The following TIAM2 variants were observed in gnomAD, a reference collection of about 807,000 sequenced individuals.
TIAM2 encodes the protein TIAM Rac1 associated GEF 2.
Under a neutral mutation model 152.9 loss-of-function variants are expected in TIAM2, and 80 were observed. That is an observed-to-expected ratio of 0.52 (90% CI 0.44 to 0.63). The LOEUF (loss-of-function observed/expected upper bound fraction) is 0.63. Among genes scored for constraint, TIAM2 ranks in the 30% least tolerant of loss-of-function variants. The pLI, the probability that TIAM2 is intolerant of heterozygous loss-of-function variation, is 0.00. For synonymous variants in TIAM2, 804 were observed against 838.0 expected, an observed-to-expected ratio of 0.96 and a Z score of 0.70; for missense variants, 1,965 against 2,120.1, an observed-to-expected ratio of 0.93 and a Z score of 1.44.
At chr6:155,013,279 C>T (rs1294102830) in intron 1 of TIAM2, among the ~76,000 whole-genome samples, 1 of 152,258 alleles carries the variant, frequency 6.6e-6, no homozygotes, top group Admixed American at 6.5e-5. Flanking sequence ...CAGAAAATCT[C>T]TGTCTGCTTA....
chr6:155,160,845 T>C (rs1018188636), intron 7 of TIAM2, among the ~76,000 whole-genome samples: 11 of 152,184 alleles, frequency 7.2e-5, no homozygotes, highest in African/African-American at 1.9e-4. Context: ...ATTGTTGAAA[T>C]AGAGAAGTCA....
At chr6:155,152,353 C>A (rs1223616305) in intron 7 of TIAM2, among the ~76,000 whole-genome samples, 1 of 152,210 alleles carries the variant, frequency 6.6e-6, no homozygotes, top group African/African-American at 2.4e-5. Flanking sequence ...ACGAGCCCAG[C>A]TTGCCTCCTC....
At chr6:155,052,281 T>C (rs1046549951) in intron 1 of TIAM2, among the ~76,000 whole-genome samples, 1 of 152,210 alleles carries the variant, frequency 6.6e-6, no homozygotes, top group East Asian at 1.9e-4. Flanking sequence ...GTGATTTTAC[T>C]TTTACTTGTA....
At chr6:155,198,666 C>CAAAAAAAAAAAAAAAAAAA (rs10626644) in intron 14 of TIAM2, among the ~76,000 whole-genome samples, 3 of 70,318 alleles carry the variant, frequency 4.3e-5, no homozygotes, top group Non-Finnish European at 7.4e-5. Flanking sequence ...GAGCAAATCT[C>CAAAAAAAAAAAAAAAAAAA]AAAAAAAAAA....
chr6:155,080,440 C>T (rs1488274350), intron 1 of TIAM2, among the ~76,000 whole-genome samples: 2 of 151,334 alleles, frequency 1.3e-5, no homozygotes, highest in East Asian at 3.9e-4. Flanking sequence ...AACATGGCAT[C>T]CTTTTTTTTT....
At chr6:155,164,652 G>A (rs755900712) in intron 8 of TIAM2, 52 bp downstream of exon 8, 120 of 1,554,782 alleles carry the variant, frequency 7.7e-5, no homozygotes, top group Non-Finnish European at 9.7e-5. Flanking sequence ...GGCTGCGGAT[G>A]CTCCCCCTTT....
rs1351049268 is a variant in TIAM2, at chr6:155,165,296, A to G, written c.2248A>G (p.Arg750Gly). The G allele has an allele frequency of 1.2e-6, 2 of 1,614,050 alleles. No individual in the cohort carries two copies. The highest frequency in any genetic ancestry group is 1.1e-5 in the South Asian group (1 of 91,058). ...CSRDDSALRK[R>G]TLSLTQRGRN... ...TAGAGATGACTCTGCTCTCCGGAAA[A>G]GGACACTGTCACTGACCCAGCGAGG... The change falls in exon 9 of 27, where the codon AGG becomes GGG. Residue 750 changes from arginine (R) to glycine (G), a missense_variant. Coordinates refer to ENST00000682666, the MANE Select transcript of TIAM2 (RefSeq NM_012454.4).
chr6:155,191,778 G>A (rs1781210912), intron 14 of TIAM2, among the ~76,000 whole-genome samples: 2 of 151,660 alleles, frequency 1.3e-5, no homozygotes, highest in Non-Finnish European at 2.9e-5. Context: ...CTGGATGACA[G>A]AGTGAGACTC....
At chr6:155,106,432 G>A (rs1264038030) in intron 2 of TIAM2, among the ~76,000 whole-genome samples, 2 of 152,112 alleles carry the variant, frequency 1.3e-5, no homozygotes, top group Non-Finnish European at 2.9e-5. Flanking sequence ...TAATAAAAAA[G>A]CACCACGTTG....
At chr6:155,058,264 C>G (rs940370044) in intron 1 of TIAM2, among the ~76,000 whole-genome samples, 5 of 152,114 alleles carry the variant, frequency 3.3e-5, no homozygotes, top group African/African-American at 1.2e-4. Flanking sequence ...GTTCTTCTAA[C>G]TAGATGTGTG....
intron 15 of TIAM2, among the ~76,000 whole-genome samples, chr6:155,221,943 C>CTTAT (rs149311355): frequency 6.6e-6 from 1 of 151,734 alleles, no homozygotes; most frequent in Admixed American, 6.6e-5. Context: ...TATTCTTCTT[C>CTTAT]TTATTTATTT....
intron 14 of TIAM2, among the ~76,000 whole-genome samples, chr6:155,189,349 CT>C (rs369463138): frequency 1.7e-3 from 249 of 144,490 alleles, no homozygotes; most frequent in Non-Finnish European, 1.6e-3. Flanking sequence ...ATGAGTGGTA[CT>C]TTTTTTTTTT....
chr6:155,003,680 C>T (rs1262344747), intron 1 of TIAM2, among the ~76,000 whole-genome samples: 1 of 152,138 alleles, frequency 6.6e-6, no homozygotes, highest in African/African-American at 2.4e-5. Flanking sequence ...ATGCACACTG[C>T]CTTATCTCTC....
intron 2 of TIAM2, among the ~76,000 whole-genome samples, chr6:155,110,313 C>A (rs564220395): frequency 2.2e-5 from 2 of 90,354 alleles, no homozygotes; most frequent in East Asian, 5.0e-4. Context: ...TTTCCTCTTT[C>A]TTTTCTTTTT....
chr6:155,128,479 A>G lies in TIAM2; in HGVS notation c.-6-739A>G, dbSNP rs200565385. On this transcript the variant is annotated intron_variant, in intron 3 of 26. Transcript: ENST00000682666. ...TTTTAGCTCTACCAGTAGTTTATGT[A>G]TAATGAAAATGTATCTCTCTGATCA... Among the ~76,000 whole-genome samples, 5 of 152,166 alleles carry G rather than the reference A, an allele frequency of 3.3e-5. No homozygotes were observed. The East Asian group carries it at 9.6e-4, about 29-fold the overall frequency.
At chr6:155,017,754 C>T (rs1334113808) in intron 1 of TIAM2, among the ~76,000 whole-genome samples, 15 of 152,052 alleles carry the variant, frequency 9.9e-5, no homozygotes, top group East Asian at 5.8e-4. Flanking sequence ...CCACCTGCCT[C>T]GGCCTCCCAA....
intron 26 of TIAM2, 126 bp from the exon 27 acceptor site, chr6:155,256,358 T>A (rs1057487102): frequency 7.2e-7 from 1 of 1,394,658 alleles, no homozygotes; most frequent in Admixed American, 2.4e-5. Flanking sequence ...ACCAGGATAG[T>A]TGCTAACTGA....
rs764073873 is a variant in TIAM2, at chr6:155,183,448, G to A, written c.3012G>A (p.Gln1004=). ...DQKSLLPPPN[Q]SQLLEEFLDN... ...AGAGTCTGCTGCCCCCTCCTAACCA[G>A]TCCCAACTGCTGGAGGAATTCCTGG... Residue 1004 remains glutamine (Q), a synonymous_variant, in exon 14 of 27, where the codon CAG becomes CAA. Coordinates refer to ENST00000682666, the MANE Select transcript of TIAM2 (RefSeq NM_012454.4). The A allele has an allele frequency of 6.2e-6, 10 of 1,613,948 alleles. No individual in the cohort carries two copies. Among genetic ancestry groups the A allele is most frequent in the Non-Finnish European group, 6.8e-6 (8 of 1,179,968 alleles).
At chr6:155,061,233 G>A (rs991756609) in intron 1 of TIAM2, among the ~76,000 whole-genome samples, 4 of 151,974 alleles carry the variant, frequency 2.6e-5, no homozygotes, top group African/African-American at 9.7e-5. Context: ...AAATAAACAT[G>A]TTCATAATGA....
Sources: gnomAD v4.1 joint callset for allele counts (sites outside exome capture counted in the v4.1 genomes callset) on GRCh38, gnomAD v4.1.1 for gene constraint, MANE v1.5 for transcripts, NCBI Gene and HGNC (gene_info 2026-07-23, HGNC 2026-07-21) for gene names.